Variants in MRI1 observed in about 807,000 individuals in gnomAD.
The protein encoded by MRI1 is methylthioribose-1-phosphate isomerase 1, also known as methylthioribose-1-phosphate isomerase.
MRI1 carries 32 observed loss-of-function variants against 27.3 expected under a neutral mutation model. The observed-to-expected ratio is 1.17, with a 90% CI of 0.88 to 1.57. The LOEUF (loss-of-function observed/expected upper bound fraction) is 1.57, where lower values mean the gene tolerates loss of function less well. MRI1 is among the 40% of genes most tolerant of loss of function. MRI1 has a pLI of 0.00. For synonymous variants in MRI1, 216 were observed against 227.4 expected (o/e 0.95, Z 0.45); for missense variants, 508 against 516.1 (o/e 0.98, Z 0.15).
In MRI1 at chr19:13,773,306, C is replaced by A. The variant is rs1392139010; in HGVS notation, c.*1025C>A. ...TACAGGCATGAGCCACTGTGCCTGACCTTACAGCAGTATTTTTTAAAAATC... is the reference window on the plus strand; with the variant it reads ...TACAGGCATGAGCCACTGTGCCTGAACTTACAGCAGTATTTTTTAAAAATC... On this transcript the variant is annotated 3_prime_UTR_variant, in exon 6 of 6. Transcript: ENST00000040663. 6.6e-6 allele frequency: 1 copy of A among 152,076 alleles called. No homozygotes were observed. Among genetic ancestry groups the A allele is most frequent in the Non-Finnish European group, 1.5e-5 (1 of 68,026 alleles). 9.4% of individuals were successfully genotyped at this position (152,076 alleles called of 1,614,324 possible).
intron 5 of MRI1, among the ~76,000 whole-genome samples, chr19:13,771,825 C>A (rs1379222047): frequency 6.6e-6 from 1 of 151,964 alleles, no homozygotes; most frequent in Admixed American, 6.6e-5. Context: ...CCATTGCACT[C>A]CAGCCTGGGC....
intron 3 of MRI1, among the ~76,000 whole-genome samples, chr19:13,767,342 C>T (rs958676766): frequency 6.6e-6 from 1 of 151,956 alleles, no homozygotes; most frequent in South Asian, 2.1e-4. Context: ...CCACAGTGCC[C>T]AGCCCACCCC....
chr19:13,772,513 C>A lies in MRI1; in HGVS notation c.*232C>A. On this transcript the variant is annotated 3_prime_UTR_variant, in exon 6 of 6. Coordinates refer to ENST00000040663, the MANE Select transcript of MRI1 (RefSeq NM_001031727.4). ...GGGCAAGTCACTTCACCTCTCTGTG[C>A]CTTGGTTTCCTCATTTATAAAATGT... 1 of 420,114 alleles carries A rather than the reference C, an allele frequency of 2.4e-6. No homozygotes were observed. Among genetic ancestry groups the A allele is most frequent in the Admixed American group, 4.2e-5 (1 of 24,064 alleles). The allele number at this position is 420,114 out of a possible 1,614,324, so 26.0% of individuals were successfully genotyped here.
In MRI1 at chr19:13,768,643, G is replaced by T. The variant is rs1568309834; in HGVS notation, c.630G>T (p.Arg210=). 6.2e-7 allele frequency: 1 copy of T among 1,613,730 alleles called. No homozygotes were observed. The highest frequency in any genetic ancestry group is 8.5e-7 in the Non-Finnish European group (1 of 1,179,930). The change falls in exon 4 of 6, where the codon CGG becomes CGT. Residue 210 remains arginine, a synonymous_variant. Transcript: ENST00000040663. The part of the protein sequence containing the change: ...TETRPYNQGA[R]LTAFELVYEQ... Reference sequence around the variant, plus strand: ...CCCGGCCCTACAACCAGGGAGCCCGGCTGACGGCCTTTGAGCTGGTCTATG... The same window carrying T: ...CCCGGCCCTACAACCAGGGAGCCCGTCTGACGGCCTTTGAGCTGGTCTATG...
Position 13,764,551 on chromosome 19 carries a change from A to G in MRI1, c.-38A>G, listed in dbSNP as rs750227594. On this transcript the variant is annotated 5_prime_UTR_variant, in exon 1 of 6. Coordinates refer to ENST00000040663, the MANE Select transcript of MRI1 (RefSeq NM_001031727.4). Reference sequence around the variant, plus strand: ...CGCTCCCAAGTGCGCGCGGACCCCTAGCTCCCTCTGAGTTGCGCTGGGCTT... The same window carrying G: ...CGCTCCCAAGTGCGCGCGGACCCCTGGCTCCCTCTGAGTTGCGCTGGGCTT... 6.3e-7 allele frequency: 1 copy of G among 1,596,036 alleles called. No individual in the cohort carries two copies. Among genetic ancestry groups the G allele is most frequent in the Non-Finnish European group, 8.5e-7 (1 of 1,172,408 alleles).
In MRI1 at chr19:13,772,411, A is replaced by G; in HGVS notation, c.*130A>G. The G allele has an allele frequency of 1.2e-6, 1 of 846,708 alleles. No homozygotes were observed. The highest frequency in any genetic ancestry group is 1.8e-6 in the Non-Finnish European group (1 of 563,156). 52.4% of individuals were successfully genotyped at this position (846,708 alleles called of 1,614,324 possible). A position where few individuals can be genotyped will look rare whatever the true frequency, so the allele number is the denominator to read the frequency against. On this transcript the variant is annotated 3_prime_UTR_variant, in exon 6 of 6. Transcript: ENST00000040663. ...GCAGGGAGCTCAGACAGGGCCTTCC[A>G]TCTAGAGCCCAGCACCTAGAGCCAG...
rs781522164 is a variant in MRI1, at chr19:13,769,017, C to T, written c.918C>T (p.Thr306=). 1.2e-5 allele frequency: 19 copies of T among 1,613,212 alleles called. No individual in the cohort carries two copies. Among genetic ancestry groups the T allele is most frequent in the African/African-American group, 5.3e-5 (4 of 74,904 alleles). ...AAGAGCGACCGGGCCAGGAGCTGAC[C>T]GATGTTAATGGGGTCCGGATTGCAG... ...IIEERPGQEL[T]DVNGVRIAAP... Residue 306 remains threonine (T), a synonymous_variant, in exon 5 of 6, where the codon ACC becomes ACT. Coordinates refer to ENST00000040663, the MANE Select transcript of MRI1 (RefSeq NM_001031727.4).
chr19:13,768,241 G>T (rs985046987), intron 3 of MRI1: 1 of 702,908 alleles, frequency 1.4e-6, no homozygotes, highest in Non-Finnish European at 2.6e-6. Context: ...CTGTACACAT[G>T]AGGTGTTAGA....
At chr19:13,766,197 T>G in intron 3 of MRI1, 68 bp downstream of exon 3, 1 of 1,416,890 alleles carries the variant, frequency 7.1e-7, no homozygotes, top group Non-Finnish European at 9.4e-7. Flanking sequence ...AGAGAAAGAA[T>G]CCCAAACCCA....
chr19:13,773,307 C>T lies in MRI1; in HGVS notation c.*1026C>T, dbSNP rs1367145482. ...ACAGGCATGAGCCACTGTGCCTGAC[C>T]TTACAGCAGTATTTTTTAAAAATCA... is the stretch of plus-strand genomic sequence containing the variant. On this transcript the variant is annotated 3_prime_UTR_variant, in exon 6 of 6. Transcript: ENST00000040663. 6.6e-6 allele frequency: 1 copy of T among 152,002 alleles called. No homozygotes were observed. The highest frequency in any genetic ancestry group is 1.5e-5 in the Non-Finnish European group (1 of 67,978). The allele number at this position is 152,002 out of a possible 1,614,324, so 9.4% of individuals were successfully genotyped here.
In MRI1 at chr19:13,765,116, G is replaced by A; in HGVS notation, c.371+7G>A. 4 of 1,520,990 alleles carry A rather than the reference G, an allele frequency of 2.6e-6. No individual in the cohort carries two copies. The highest frequency in any genetic ancestry group is 3.5e-6 in the Non-Finnish European group (4 of 1,137,506). 94.2% of individuals were successfully genotyped at this position (1,520,990 alleles called of 1,614,324 possible). A position where few individuals can be genotyped will look rare whatever the true frequency, so the allele number is the denominator to read the frequency against. ...AAGAGGCGGTCCGGGAGAGGTACGG[G>A]GATCTGGTACCAGGCACGGCGCTGA... On this transcript the variant is annotated splice_region_variant and intron_variant, in intron 2 of 5. Transcript: ENST00000040663.
intron 5 of MRI1, among the ~76,000 whole-genome samples, chr19:13,771,263 A>G (rs932636233): frequency 6.6e-6 from 1 of 151,662 alleles, no homozygotes; most frequent in Non-Finnish European, 1.5e-5. Flanking sequence ...ACTACTTGGG[A>G]GGCTGAGGCA....
At chr19:13,766,803 G>A (rs547878523) in intron 3 of MRI1, among the ~76,000 whole-genome samples, 448 of 151,742 alleles carry the variant, frequency 3.0e-3, no homozygotes, top group African/African-American at 0.01. Context: ...TGCTGGGGAC[G>A]CAGCAGTGAA....
Position 13,772,836 on chromosome 19 carries a change from A to G in MRI1, c.*555A>G, listed in dbSNP as rs1974298295. On this transcript the variant is annotated 3_prime_UTR_variant, in exon 6 of 6. Coordinates refer to ENST00000040663, the MANE Select transcript of MRI1 (RefSeq NM_001031727.4). ...GAGCGAGACTCCGTCTCAAAAATAAATATAATTAATTAATTATTTAATTAA... is the reference window on the plus strand; with the variant it reads ...GAGCGAGACTCCGTCTCAAAAATAAGTATAATTAATTAATTATTTAATTAA... 1 of 151,786 alleles carries G rather than the reference A, an allele frequency of 6.6e-6. No individual in the cohort carries two copies. The highest frequency in any genetic ancestry group is 2.1e-4 in the South Asian group (1 of 4,828). The allele number at this position is 151,786 out of a possible 1,614,324, so 9.4% of individuals were successfully genotyped here. A position where few individuals can be genotyped will look rare whatever the true frequency, so the allele number is the denominator to read the frequency against.
Position 13,765,991 on chromosome 19 carries a change from C to T in MRI1, c.409C>T (p.Leu137Phe). 6.2e-7 allele frequency: 1 copy of T among 1,611,952 alleles called. No individual in the cohort carries two copies. ...CCTEDMLEKD[L>F]RDNRSIGDLG... is the part of the protein sequence containing the mutation. ...CACCGAGGACATGCTGGAGAAAGAC[C>T]TCAGAGACAACCGAAGCATTGGGGA... is the stretch of plus-strand genomic sequence containing the variant. Residue 137 changes from leucine (L) to phenylalanine (F), a missense_variant, in exon 3 of 6, where the codon CTC becomes TTC. Transcript: ENST00000040663.
intron 3 of MRI1, among the ~76,000 whole-genome samples, chr19:13,767,037 ATTTTTTTTTTTTTTTTTTTT>A (rs1161584156): frequency 6.6e-4 from 14 of 21,146 alleles, no homozygotes; most frequent in African/African-American, 2.5e-3. Context: ...ATATATATAT[ATTTTTTTTTTTTTTTTTTTT>A]TTTTTTTTTG....
rs1229495154 is a variant in MRI1, at chr19:13,766,031, A to G, written c.449A>G (p.His150Arg). 4 of 1,613,080 alleles carry G rather than the reference A, an allele frequency of 2.5e-6. No individual in the cohort carries two copies. The highest frequency in any genetic ancestry group is 2.2e-5 in the East Asian group (1 of 44,864). The part of the protein sequence containing the change: ...NRSIGDLGAR[H>R]LLERVAPSGG... Reference sequence around the variant, plus strand: ...AGCATTGGGGACCTAGGAGCCCGCCACCTCCTGGAGCGGGTGGCCCCCAGC... The same window carrying G: ...AGCATTGGGGACCTAGGAGCCCGCCGCCTCCTGGAGCGGGTGGCCCCCAGC... The change falls in exon 3 of 6, where the codon CAC (histidine) becomes CGC (arginine). Residue 150 changes from histidine (H) to arginine (R), a missense_variant. His to Arg is a conservative substitution (Grantham distance 29, BLOSUM62 0). Around this residue, in one of 3 missense-constraint regions of MRI1, gnomAD observed 457 missense variants for 452.8 expected, o/e 1.01. Coordinates refer to ENST00000040663, the MANE Select transcript of MRI1 (RefSeq NM_001031727.4).
Position 13,769,009 on chromosome 19 carries a change from G to C in MRI1, c.910G>C (p.Glu304Gln), listed in dbSNP as rs1327421570. 1 of 1,613,664 alleles carries C rather than the reference G, an allele frequency of 6.2e-7. No individual in the cohort carries two copies. Among genetic ancestry groups the C allele is most frequent in the African/African-American group, 1.3e-5 (1 of 75,054 alleles). Residue 304 changes from glutamate to glutamine, a missense_variant, in exon 5 of 6, where the codon GAG becomes CAG. Glu to Gln is a conservative substitution (Grantham distance 29, BLOSUM62 2). Coordinates refer to ENST00000040663, the MANE Select transcript of MRI1 (RefSeq NM_001031727.4). ...CATTATTGAAGAGCGACCGGGCCAG[G>C]AGCTGACCGATGTTAATGGGGTCCG... ...EIIIEERPGQ[E>Q]LTDVNGVRIA...
chr19:13,768,538 C>T lies in MRI1; in HGVS notation c.548-23C>T, dbSNP rs146500883. The T allele has an allele frequency of 1.4e-4, 227 of 1,598,346 alleles. No individual in the cohort carries two copies. The African/African-American group carries it at 2.4e-3, about 17-fold the overall frequency. On this transcript the variant is annotated intron_variant, in intron 3 of 5. Coordinates refer to ENST00000040663, the MANE Select transcript of MRI1 (RefSeq NM_001031727.4). ...TGTTTGCCCCTCCCCGGGGCCTTCT[C>T]CTGGTGGGTGGGGCCCCCGCAGGTG...
Sources: allele counts gnomAD v4.1 joint callset (sites outside exome capture counted in the v4.1 genomes callset), GRCh38; gene constraint gnomAD v4.1.1; regional missense constraint gnomAD v4.1.1; transcripts MANE v1.5; gene names NCBI Gene and HGNC (gene_info 2026-07-23, HGNC 2026-07-21).